Variants in LGR5 observed in about 807,000 individuals in gnomAD.
The protein encoded by LGR5 is leucine-rich repeat-containing G protein-coupled receptor 5.
In LGR5, 54 loss-of-function variants were observed where a neutral mutation model predicts 76.7. That is an observed-to-expected ratio of 0.70 (90% CI 0.57 to 0.88). The LOEUF is 0.88. Among genes scored for constraint, LGR5 ranks in the 40% least tolerant of loss-of-function variants. The probability of loss-of-function intolerance (pLI) is 0.00; values close to 1 mark genes in which losing one functional copy is unlikely to be tolerated. For synonymous variants in LGR5, 406 were observed against 421.9 expected (o/e 0.96, Z 0.46); for missense variants, 1,078 against 1,073.3 (o/e 1.00, Z -0.06).
At chr12:71,519,041 T>C (rs1402498384) in intron 2 of LGR5, among the ~76,000 whole-genome samples, 1 of 152,184 alleles carries the variant, frequency 6.6e-6, no homozygotes, top group Non-Finnish European at 1.5e-5. Flanking sequence ...AACACAGATC[T>C]GATCACATTA....
chr12:71,487,651 G>A (rs774533204), intron 1 of LGR5, among the ~76,000 whole-genome samples: 6 of 151,992 alleles, frequency 3.9e-5, no homozygotes, highest in Admixed American at 3.3e-4. Flanking sequence ...GGCCTCAAGC[G>A]ATCCTCCCAC....
intron 1 of LGR5, among the ~76,000 whole-genome samples, chr12:71,458,991 A>C (rs1286775871): frequency 6.6e-6 from 1 of 152,110 alleles, no homozygotes; most frequent in Non-Finnish European, 1.5e-5. Context: ...TTAGCCAAGG[A>C]AAGGAGAGGG....
At chr12:71,546,027 G>A (rs1877140187) in intron 4 of LGR5, among the ~76,000 whole-genome samples, 1 of 152,172 alleles carries the variant, frequency 6.6e-6, no homozygotes, top group Non-Finnish European at 1.5e-5. Context: ...GGCAGGTGGG[G>A]TTGCCTGAAC....
chr12:71,575,302 A>T (rs775815696), intron 13 of LGR5, among the ~76,000 whole-genome samples: 26 of 152,296 alleles, frequency 1.7e-4, no homozygotes, highest in Admixed American at 5.9e-4. Context: ...TTATGAAAAT[A>T]AGTATATAGC....
chr12:71,516,472 A>G (rs1047894918), intron 2 of LGR5, among the ~76,000 whole-genome samples: 1 of 152,084 alleles, frequency 6.6e-6, no homozygotes. Flanking sequence ...ATAATTTCCC[A>G]AGGGTCTCAA....
intron 1 of LGR5, among the ~76,000 whole-genome samples, chr12:71,461,520 C>A (rs1565660157): frequency 6.6e-6 from 1 of 152,178 alleles, no homozygotes; most frequent in East Asian, 1.9e-4. Context: ...ACTAGCATAG[C>A]ACTTGGCACA....
At chr12:71,546,267 A>T (rs1877155812) in intron 4 of LGR5, among the ~76,000 whole-genome samples, 1 of 151,830 alleles carries the variant, frequency 6.6e-6, no homozygotes, top group Non-Finnish European at 1.5e-5. Context: ...GTGAGCCAAG[A>T]TTGGACCACT....
At chr12:71,527,932 C>A (rs911285689) in intron 3 of LGR5, among the ~76,000 whole-genome samples, 2 of 152,200 alleles carry the variant, frequency 1.3e-5, no homozygotes, top group East Asian at 1.9e-4. Context: ...ATAAAGAATT[C>A]TCCCTTATTC....
chr12:71,462,726 TCTGA>T (rs940404916), intron 1 of LGR5, among the ~76,000 whole-genome samples: 19 of 152,172 alleles, frequency 1.2e-4, no homozygotes, highest in Non-Finnish European at 2.5e-4. Context: ...AGCTTTGCAC[TCTGA>T]CTAATTCCGT....
chr12:71,542,905 A>G (rs1454529948), intron 4 of LGR5, among the ~76,000 whole-genome samples: 1 of 152,160 alleles, frequency 6.6e-6, no homozygotes, highest in Non-Finnish European at 1.5e-5. Flanking sequence ...TAGGTTCCCC[A>G]ACCATGCATT....
At chr12:71,568,965 G>T (rs929494975) in intron 11 of LGR5, among the ~76,000 whole-genome samples, 1 of 152,180 alleles carries the variant, frequency 6.6e-6, no homozygotes, top group Admixed American at 6.5e-5. Context: ...GAATTATGGT[G>T]TCTCCCTCAT....
chr12:71,582,599 A>G (rs1378001258), intron 17 of LGR5, 60 bp downstream of exon 17: 1 of 1,299,048 alleles, frequency 7.7e-7, no homozygotes, highest in African/African-American at 1.5e-5. Context: ...TGAGTCCATG[A>G]AAAACAATAC....
chr12:71,474,666 T>C (rs1020855450), intron 1 of LGR5, among the ~76,000 whole-genome samples: 2 of 152,236 alleles, frequency 1.3e-5, no homozygotes, highest in Admixed American at 6.5e-5. Flanking sequence ...CTCTAGATTA[T>C]GTCCTTGCCT....
At chr12:71,523,817 T>A (rs1439862159) in intron 2 of LGR5, among the ~76,000 whole-genome samples, 2 of 152,228 alleles carry the variant, frequency 1.3e-5, no homozygotes, top group East Asian at 3.8e-4. Flanking sequence ...CCCATGTTAA[T>A]GTCCTTCATA....
intron 1 of LGR5, among the ~76,000 whole-genome samples, chr12:71,498,954 G>A (rs572602573): frequency 1.5e-3 from 235 of 152,348 alleles, no homozygotes; most frequent in African/African-American, 4.8e-3. Flanking sequence ...TCCCATGGGA[G>A]TAAGTTGAGC....
At chr12:71,455,360 G>A (rs1193006486) in intron 1 of LGR5, among the ~76,000 whole-genome samples, 1 of 152,098 alleles carries the variant, frequency 6.6e-6, no homozygotes, top group Non-Finnish European at 1.5e-5. Context: ...GAGTCTACCA[G>A]CTTGACATTG....
chr12:71,515,672 A>G (rs1329751283), intron 2 of LGR5, among the ~76,000 whole-genome samples: 3 of 152,240 alleles, frequency 2.0e-5, no homozygotes, highest in Non-Finnish European at 4.4e-5. Flanking sequence ...GCCCTCATCA[A>G]ATTTCTAGAA....
At chr12:71,575,080 C>G (rs981381959) in intron 13 of LGR5, among the ~76,000 whole-genome samples, 3 of 152,094 alleles carry the variant, frequency 2.0e-5, no homozygotes, top group Admixed American at 6.6e-5. Context: ...TGAATTGCAG[C>G]GCCTGAGATT....
intron 2 of LGR5, among the ~76,000 whole-genome samples, chr12:71,519,799 T>C (rs1170868904): frequency 6.6e-6 from 1 of 151,862 alleles, no homozygotes. Flanking sequence ...CACTGTAGCC[T>C]GGGTGACAGA....
Sources: allele counts gnomAD v4.1 joint callset (sites outside exome capture counted in the v4.1 genomes callset), GRCh38; gene constraint gnomAD v4.1.1; transcripts MANE v1.5; gene names NCBI Gene and HGNC (gene_info 2026-07-23, HGNC 2026-07-21).